Variants in CSNK2A2IP observed in about 807,000 individuals in gnomAD.
The protein encoded by CSNK2A2IP is casein kinase II subunit alpha'-interacting protein.
At chr3:88,437,679 G>T in the CSNK2A2IP span, among the ~76,000 whole-genome samples, 1 of 152,000 alleles carries the variant, frequency 6.6e-6, no homozygotes, top group South Asian at 2.1e-4. Flanking sequence ...AAAAGCAAAT[G>T]AAATTTAATT....
At chr3:88,398,436 G>A in the CSNK2A2IP span, among the ~76,000 whole-genome samples, 4 of 151,920 alleles carry the variant, frequency 2.6e-5, no homozygotes, top group East Asian at 1.9e-4. Flanking sequence ...TAATATGAAC[G>A]CAAAAACTTT....
the CSNK2A2IP span, among the ~76,000 whole-genome samples, chr3:88,450,030 GCTAA>G: frequency 2.8e-3 from 428 of 150,844 alleles, 2 homozygotes; most frequent in African/African-American, 9.7e-3. Context: ...ACCACGCCTG[GCTAA>G]CTGTTTTGTA....
At chr3:88,438,813 C>A in the CSNK2A2IP span, among the ~76,000 whole-genome samples, 11 of 152,166 alleles carry the variant, frequency 7.2e-5, no homozygotes, top group South Asian at 2.3e-3. Flanking sequence ...TGTGTTTTTC[C>A]CTTGTTGAGT....
the CSNK2A2IP span, among the ~76,000 whole-genome samples, chr3:88,357,042 T>C: frequency 6.6e-6 from 1 of 152,170 alleles, no homozygotes; most frequent in Non-Finnish European, 1.5e-5. Context: ...TTGCAAATAT[T>C]TTCTCCTGTT....
At chr3:88,341,096 T>C in the CSNK2A2IP span, among the ~76,000 whole-genome samples, 11 of 152,004 alleles carry the variant, frequency 7.2e-5, no homozygotes, top group Non-Finnish European at 1.0e-4. Flanking sequence ...TTCAAGTTTT[T>C]ATGTGAAATA....
At chr3:88,356,476 C>A in the CSNK2A2IP span, among the ~76,000 whole-genome samples, 3 of 152,114 alleles carry the variant, frequency 2.0e-5, no homozygotes, top group Admixed American at 1.3e-4. Flanking sequence ...ATTTGTACCA[C>A]ATTTTCTTTA....
the CSNK2A2IP span, among the ~76,000 whole-genome samples, chr3:88,374,786 T>A: frequency 6.6e-6 from 1 of 151,670 alleles, no homozygotes; most frequent in Non-Finnish European, 1.5e-5. Flanking sequence ...TGGGAATACT[T>A]GGGATCCACT....
chr3:88,412,182 T>C, the CSNK2A2IP span, among the ~76,000 whole-genome samples: 4 of 151,982 alleles, frequency 2.6e-5, no homozygotes, highest in South Asian at 8.3e-4. Flanking sequence ...GGAATAAATA[T>C]AATATATTTA....
chr3:88,396,364 C>T, the CSNK2A2IP span, among the ~76,000 whole-genome samples: 1 of 152,096 alleles, frequency 6.6e-6, no homozygotes, highest in Non-Finnish European at 1.5e-5. Flanking sequence ...CTCGGCCTCC[C>T]AAAGTGCTGG....
the CSNK2A2IP span, among the ~76,000 whole-genome samples, chr3:88,409,050 T>C: frequency 6.6e-6 from 1 of 152,062 alleles, no homozygotes; most frequent in African/African-American, 2.4e-5. Context: ...ACCCACAGCA[T>C]TGCTTAAGTA....
At chr3:88,350,264 T>C in the CSNK2A2IP span, among the ~76,000 whole-genome samples, 2 of 152,152 alleles carry the variant, frequency 1.3e-5, no homozygotes, top group African/African-American at 4.8e-5. Flanking sequence ...TTCTTCTTTT[T>C]CATTTTTCCC....
chr3:88,448,657 A>G, the CSNK2A2IP span, among the ~76,000 whole-genome samples: 1 of 151,940 alleles, frequency 6.6e-6, no homozygotes, highest in African/African-American at 2.4e-5. Flanking sequence ...CCACTCCCTA[A>G]CTCTTTTCAC....
the CSNK2A2IP span, among the ~76,000 whole-genome samples, chr3:88,436,220 G>A: frequency 2.0e-5 from 3 of 152,000 alleles, no homozygotes; most frequent in Non-Finnish European, 2.9e-5. Flanking sequence ...CAAATATTTT[G>A]TGAATTTTAA....
chr3:88,459,271 A>G, the CSNK2A2IP span, among the ~76,000 whole-genome samples: 1 of 152,106 alleles, frequency 6.6e-6, no homozygotes, highest in Admixed American at 6.5e-5. Flanking sequence ...CATATTTGCA[A>G]TAGGATACCT....
chr3:88,438,206 A>C, the CSNK2A2IP span, among the ~76,000 whole-genome samples: 3 of 152,158 alleles, frequency 2.0e-5, no homozygotes, highest in Non-Finnish European at 2.9e-5. Flanking sequence ...TGGCTACTGG[A>C]TTACATAAAA....
At chr3:88,449,874 T>TATATAGAGAGAGAGAGAGAGAG in the CSNK2A2IP span, among the ~76,000 whole-genome samples, 8 of 70,108 alleles carry the variant, frequency 1.1e-4, no homozygotes, top group African/African-American at 2.3e-4. Flanking sequence ...TATATATATA[T>TATATAGAGAGAGAGAGAGAGAG]AGAGAGAGAG....
the CSNK2A2IP span, among the ~76,000 whole-genome samples, chr3:88,430,733 C>A: frequency 6.6e-6 from 1 of 151,998 alleles, no homozygotes; most frequent in Admixed American, 6.6e-5. Flanking sequence ...TGCAAAGGAA[C>A]AACTAAAACG....
the CSNK2A2IP span, among the ~76,000 whole-genome samples, chr3:88,411,330 A>G: frequency 6.6e-6 from 1 of 151,202 alleles, no homozygotes; most frequent in Non-Finnish European, 1.5e-5. Context: ...CCATAAATTT[A>G]GCTCACTCAC....
the CSNK2A2IP span, among the ~76,000 whole-genome samples, chr3:88,453,265 T>A: frequency 6.6e-6 from 1 of 152,082 alleles, no homozygotes; most frequent in Non-Finnish European, 1.5e-5. Flanking sequence ...ATCTCTTGAG[T>A]TATAAAAAAT....
Sources: gnomAD v4.1 joint callset for allele counts (sites outside exome capture counted in the v4.1 genomes callset) on GRCh38, gnomAD v4.1.1 for gene constraint, MANE v1.5 for transcripts, NCBI Gene and HGNC (gene_info 2026-07-23, HGNC 2026-07-21) for gene names.